Variants in GRM8 observed in about 807,000 individuals in gnomAD.
The protein encoded by GRM8 is glutamate metabotropic receptor 8, also known as metabotropic glutamate receptor 8.
A neutral mutation model predicts 87.2 loss-of-function variants in GRM8; 47 were observed. The observed-to-expected ratio is 0.54, with a 90% CI of 0.43 to 0.69. The LOEUF (loss-of-function observed/expected upper bound fraction) is 0.69. GRM8 is among the 30% of genes least tolerant of loss of function. The probability of loss-of-function intolerance (pLI) is 0.00; values close to 1 mark genes in which losing one functional copy is unlikely to be tolerated. For synonymous variants in GRM8, 396 were observed against 404.5 expected (o/e 0.98, Z 0.25); for missense variants, 1,019 against 1,139.2 (o/e 0.89, Z 1.52).
intron 7 of GRM8, among the ~76,000 whole-genome samples, chr7:126,654,050 G>A (rs1418904339): frequency 6.6e-6 from 1 of 152,166 alleles, no homozygotes; most frequent in African/African-American, 2.4e-5. Flanking sequence ...AGAGTCAAGA[G>A]GAAATGTCAT....
At chr7:127,047,338 C>A (rs1352157134) in intron 3 of GRM8, among the ~76,000 whole-genome samples, 2 of 152,128 alleles carry the variant, frequency 1.3e-5, no homozygotes, top group African/African-American at 4.8e-5. Context: ...CTTGTTACAA[C>A]TTTCACTCTA....
intron 6 of GRM8, among the ~76,000 whole-genome samples, chr7:126,895,819 G>T (rs541549033): frequency 6.6e-6 from 1 of 152,010 alleles, no homozygotes; most frequent in East Asian, 1.9e-4. Context: ...TCAATGTGAA[G>T]AATATTAAAA....
intron 3 of GRM8, among the ~76,000 whole-genome samples, chr7:126,937,983 C>T (rs2131505155): frequency 6.6e-6 from 1 of 152,186 alleles, no homozygotes; most frequent in East Asian, 1.9e-4. Context: ...TATTCATTAT[C>T]TCCCATGTCC....
intron 7 of GRM8, among the ~76,000 whole-genome samples, chr7:126,761,395 T>C (rs1221498245): frequency 6.6e-6 from 1 of 152,142 alleles, no homozygotes; most frequent in Non-Finnish European, 1.5e-5. Flanking sequence ...AGAGTCATCA[T>C]TCAAATAATT....
chr7:126,780,324 T>C (rs1331875662), intron 6 of GRM8, among the ~76,000 whole-genome samples: 1 of 152,150 alleles, frequency 6.6e-6, no homozygotes, highest in Non-Finnish European at 1.5e-5. Flanking sequence ...CCCCATAGGG[T>C]TGTTGTCATA....
intron 6 of GRM8, among the ~76,000 whole-genome samples, chr7:126,827,749 T>C (rs1354529326): frequency 2.0e-5 from 3 of 152,226 alleles, no homozygotes; most frequent in Non-Finnish European, 2.9e-5. Flanking sequence ...CAACACTATG[T>C]TGAAAAGGAG....
chr7:126,988,661 G>A (rs1345164562), intron 3 of GRM8, among the ~76,000 whole-genome samples: 2 of 152,128 alleles, frequency 1.3e-5, no homozygotes, highest in Non-Finnish European at 2.9e-5. Flanking sequence ...ACAGCATTAT[G>A]CAATGAGTTC....
chr7:126,562,087 A>G (rs1223553371), intron 8 of GRM8, among the ~76,000 whole-genome samples: 1 of 152,154 alleles, frequency 6.6e-6, no homozygotes, highest in Non-Finnish European at 1.5e-5. Context: ...TTATTCCCCT[A>G]TACCCTGATA....
intron 3 of GRM8, among the ~76,000 whole-genome samples, chr7:127,027,875 A>T (rs575120529): frequency 6.6e-6 from 1 of 152,144 alleles, no homozygotes; most frequent in Non-Finnish European, 1.5e-5. Flanking sequence ...TATGTTGAAT[A>T]TGAGTGGTGA....
chr7:126,925,674 T>C (rs1202799541), intron 3 of GRM8, among the ~76,000 whole-genome samples: 1 of 152,230 alleles, frequency 6.6e-6, no homozygotes, highest in African/African-American at 2.4e-5. Flanking sequence ...CTGAGCATTA[T>C]CATGCTATCA....
At chr7:126,819,171 G>A (rs1197385963) in intron 6 of GRM8, among the ~76,000 whole-genome samples, 1 of 151,982 alleles carries the variant, frequency 6.6e-6, no homozygotes, top group Non-Finnish European at 1.5e-5. Flanking sequence ...AAGCAAGAGA[G>A]TCACACACAA....
In GRM8 at chr7:127,079,331, A is replaced by C. The variant is rs528877621; in HGVS notation, c.727+27165T>G. Among the ~76,000 whole-genome samples, 5 of 152,254 alleles carry C rather than the reference A, an allele frequency of 3.3e-5. No homozygotes were observed. In the East Asian group the frequency reaches 9.7e-4, roughly 29 times the overall value. On this transcript the variant is annotated intron_variant, in intron 3 of 10. Transcript: ENST00000339582. Reference sequence around the variant, plus strand: ...GAGTTGGGGTTTCACCATATGGGTCAGGATGGTCTCGAACTCCTGACCCCA... The same window carrying C: ...GAGTTGGGGTTTCACCATATGGGTCCGGATGGTCTCGAACTCCTGACCCCA...
At chr7:127,197,734 A>T (rs1795362323) in intron 2 of GRM8, among the ~76,000 whole-genome samples, 1 of 152,168 alleles carries the variant, frequency 6.6e-6, no homozygotes, top group Non-Finnish European at 1.5e-5. Flanking sequence ...ACTGAAGGAG[A>T]ACCAAGTATA....
At position 126,452,223 on chromosome 7, in the gene GRM8, G is replaced by A. The variant is rs986356124; in HGVS notation, c.2431-5851C>T. Among the ~76,000 whole-genome samples the A allele has an allele frequency of 2.7e-5, 4 of 146,746 alleles. No individual in the cohort carries two copies. In the Admixed American group the frequency reaches 2.8e-4, roughly 10 times the overall value. On this transcript the variant is annotated intron_variant, in intron 9 of 10. Coordinates refer to ENST00000339582, the MANE Select transcript of GRM8 (RefSeq NM_000845.3). ...ATGGTATGTTCTCACTCATAGGTGGGAATTGAACAATGAGAACACTTGGAC... is the reference window on the plus strand; with the variant it reads ...ATGGTATGTTCTCACTCATAGGTGGAAATTGAACAATGAGAACACTTGGAC...
chr7:127,217,945 G>A lies in GRM8; in HGVS notation c.510+24750C>T, dbSNP rs1028769832. Among the ~76,000 whole-genome samples, 85 of 152,220 alleles carry A rather than the reference G, an allele frequency of 5.6e-4. 1 individual carries two copies. Among genetic ancestry groups the A allele is most frequent in the African/African-American group, 1.8e-3 (74 of 41,518 alleles). On this transcript the variant is annotated intron_variant, in intron 2 of 10. Transcript: ENST00000339582. The stretch of plus-strand genomic sequence containing the variant: ...GCCTCTGGCCAGTCTGAAGTCCACC[G>A]CTCCATATCACTGAAAGCCCTTCTT...
intron 7 of GRM8, among the ~76,000 whole-genome samples, chr7:126,627,523 G>A (rs555370108): frequency 6.6e-6 from 1 of 152,054 alleles, no homozygotes; most frequent in Non-Finnish European, 1.5e-5. Context: ...AACAGTTCTT[G>A]TAGCTTAAAT....
rs1305234551 is a variant in GRM8 at position 127,219,739 on chromosome 7, T to C, written c.510+22956A>G. The stretch of plus-strand genomic sequence containing the variant: ...TTTATGACCACAGATATTTTGAGAG[T>C]CCATTGCCATGCTAGCCTTATGCAA... On this transcript the variant is annotated intron_variant, in intron 2 of 10. Transcript: ENST00000339582. 3.3e-5 allele frequency: 5 copies of C among 152,258 alleles called. No individual in the cohort carries two copies. The South Asian group carries it at 6.2e-4, about 19-fold the overall frequency. The allele number at this position is 152,258 out of a possible 1,614,324, so 9.4% of individuals were successfully genotyped here. A position where few individuals can be genotyped will look rare whatever the true frequency, so the allele number is the denominator to read the frequency against.
intron 7 of GRM8, among the ~76,000 whole-genome samples, chr7:126,621,722 A>G (rs1321360269): frequency 3.6e-5 from 5 of 139,080 alleles, no homozygotes; most frequent in Non-Finnish European, 6.5e-5. Context: ...CCTGGCCCCA[A>G]TCACCATTTA....
At chr7:127,060,726 G>A (rs1436604337) in intron 3 of GRM8, among the ~76,000 whole-genome samples, 1 of 151,824 alleles carries the variant, frequency 6.6e-6, no homozygotes, top group Non-Finnish European at 1.5e-5. Context: ...AGCAACATGA[G>A]AAATTCCTAG....
Sources: allele counts gnomAD v4.1 joint callset (sites outside exome capture counted in the v4.1 genomes callset), GRCh38; gene constraint gnomAD v4.1.1; transcripts MANE v1.5; gene names NCBI Gene and HGNC (gene_info 2026-07-23, HGNC 2026-07-21).